The following MGAT4C variants were observed in gnomAD, a reference collection of about 807,000 sequenced individuals.
The protein encoded by MGAT4C is alpha-1,3-mannosyl-glycoprotein 4-beta-N-acetylglucosaminyltransferase C.
MGAT4C carries 19 observed loss-of-function variants against 40.1 expected under a neutral mutation model. The ratio of observed to expected loss-of-function variants is 0.47; its 90% CI spans 0.33 to 0.70. MGAT4C has a LOEUF of 0.70. Ranked by LOEUF, MGAT4C falls within the 30% of genes least tolerant of loss-of-function variation. MGAT4C has a pLI of 0.02. For synonymous variants in MGAT4C, 181 were observed against 187.1 expected (o/e 0.97, Z 0.27); for missense variants, 491 against 563.2 (o/e 0.87, Z 1.30).
intron 2 of MGAT4C, among the ~76,000 whole-genome samples, chr12:86,605,275 A>G (rs1962004138): frequency 6.6e-6 from 1 of 151,892 alleles, no homozygotes. Context: ...CTTGCCAGAT[A>G]TATATATATT....
chr12:86,624,350 G>A (rs1962733246), intron 2 of MGAT4C, among the ~76,000 whole-genome samples: 2 of 152,128 alleles, frequency 1.3e-5, no homozygotes, highest in South Asian at 4.1e-4. Context: ...GGTTGATCCT[G>A]AGGTTTTTCA....
chr12:86,609,733 T>G (rs956847945), intron 2 of MGAT4C, among the ~76,000 whole-genome samples: 2 of 123,486 alleles, frequency 1.6e-5, no homozygotes, highest in African/African-American at 3.9e-5. Context: ...AAAAGTAAGA[T>G]TTTTTTTTTT....
intron 2 of MGAT4C, among the ~76,000 whole-genome samples, chr12:86,480,449 T>C (rs1391624262): frequency 6.6e-6 from 1 of 151,254 alleles, no homozygotes; most frequent in East Asian, 1.9e-4. Context: ...TGTATACATA[T>C]ATAGATATGT....
At chr12:86,185,150 T>A (rs913489997) in intron 1 of MGAT4C, among the ~76,000 whole-genome samples, 1 of 152,136 alleles carries the variant, frequency 6.6e-6, no homozygotes, top group African/African-American at 2.4e-5. Context: ...TAAACAAAAT[T>A]TGTTATAATT....
intron 2 of MGAT4C, among the ~76,000 whole-genome samples, chr12:86,559,187 AAAGG>A (rs1959752925): frequency 6.6e-6 from 1 of 152,022 alleles, no homozygotes; most frequent in African/African-American, 2.4e-5. Context: ...TGTTAGATCT[AAAGG>A]GAGAGAGAGA....
chr12:85,964,963 T>C lies in MGAT4C; in HGVS notation c.*14326A>G, dbSNP rs1883280844. The C allele has an allele frequency of 1.3e-5, 2 of 152,270 alleles. No homozygotes were observed. The highest frequency in any genetic ancestry group is 4.8e-5 in the African/African-American group (2 of 41,566). The allele number at this position is 152,270 out of a possible 1,614,324, so 9.4% of individuals were successfully genotyped here. A position where few individuals can be genotyped will look rare whatever the true frequency, so the allele number is the denominator to read the frequency against. On this transcript the variant is annotated 3_prime_UTR_variant, in exon 5 of 5. Coordinates refer to ENST00000611864, the MANE Select transcript of MGAT4C (RefSeq NM_001351288.2). ...CAAATAAACTATTACTGACCTCCCTTGGATTATGATGAAAACCGTGGAGTC... is the reference window on the plus strand; with the variant it reads ...CAAATAAACTATTACTGACCTCCCTCGGATTATGATGAAAACCGTGGAGTC...
intron 2 of MGAT4C, among the ~76,000 whole-genome samples, chr12:86,009,630 A>G (rs1565852437): frequency 6.6e-6 from 1 of 152,058 alleles, no homozygotes; most frequent in Non-Finnish European, 1.5e-5. Context: ...TGCCTCTTTT[A>G]TAATGTCTAA....
At chr12:86,005,670 T>C (rs949945689) in intron 2 of MGAT4C, among the ~76,000 whole-genome samples, 1 of 152,186 alleles carries the variant, frequency 6.6e-6, no homozygotes, top group Non-Finnish European at 1.5e-5. Flanking sequence ...TGAAGTCTGA[T>C]GGCTAGTTCT....
At chr12:86,056,017 TA>T (rs1893352655) in intron 1 of MGAT4C, among the ~76,000 whole-genome samples, 1 of 152,126 alleles carries the variant, frequency 6.6e-6, no homozygotes, top group Non-Finnish European at 1.5e-5. Context: ...TGCTAGTTGT[TA>T]CTCTTCAATG....
intron 2 of MGAT4C, among the ~76,000 whole-genome samples, chr12:86,510,447 A>T (rs1336769369): frequency 1.3e-5 from 2 of 152,188 alleles, no homozygotes; most frequent in East Asian, 3.9e-4. Flanking sequence ...AGGCAAACTA[A>T]CCAGCTAACA....
At chr12:86,300,885 TAA>T (rs1275587968) in intron 4 of MGAT4C, among the ~76,000 whole-genome samples, 4 of 152,156 alleles carry the variant, frequency 2.6e-5, no homozygotes, top group Admixed American at 2.0e-4. Flanking sequence ...GGAGTATTTA[TAA>T]GTCATTTGTT....
chr12:86,124,814 A>C (rs2135693623), intron 1 of MGAT4C, among the ~76,000 whole-genome samples: 1 of 152,250 alleles, frequency 6.6e-6, no homozygotes, highest in East Asian at 1.9e-4. Context: ...TAATTTTACC[A>C]AGCATGGAGA....
At chr12:86,446,639 AAAAT>A (rs1307145757) in intron 2 of MGAT4C, among the ~76,000 whole-genome samples, 1 of 137,490 alleles carries the variant, frequency 7.3e-6, no homozygotes, top group East Asian at 2.1e-4. Flanking sequence ...ATCAGGACTT[AAAAT>A]TACATCATGT....
At chr12:86,245,401 C>T (rs1951982977) in intron 1 of MGAT4C, among the ~76,000 whole-genome samples, 1 of 152,328 alleles carries the variant, frequency 6.6e-6, no homozygotes, top group Middle Eastern at 3.4e-3. Flanking sequence ...TAGATTCCTC[C>T]TATCAGACAT....
chr12:86,716,756 G>T (rs1950651313), intron 2 of MGAT4C, among the ~76,000 whole-genome samples: 1 of 152,072 alleles, frequency 6.6e-6, no homozygotes, highest in Non-Finnish European at 1.5e-5. Context: ...TTATAATAGG[G>T]AGATGCCAGT....
Position 86,332,750 on chromosome 12 carries a change from G to A in MGAT4C, c.-57+1315C>T, listed in dbSNP as rs1469305399. 3.3e-5 allele frequency among the ~76,000 whole-genome samples: 5 copies of A among 152,114 alleles called. No homozygotes were observed. In the East Asian group the frequency reaches 9.7e-4, roughly 29 times the overall value. ...TATCCTTTTGTTTAAATAAATAAAG[G>A]AGCTATGAAAGTGCATCCATCAAGA... On this transcript the variant is annotated intron_variant, in intron 4 of 7. Transcript: ENST00000548651.
At chr12:86,738,614 A>G (rs530880428) in intron 1 of MGAT4C, among the ~76,000 whole-genome samples, 3 of 151,444 alleles carry the variant, frequency 2.0e-5, no homozygotes, top group Admixed American at 2.0e-4. Flanking sequence ...CATCCAACTC[A>G]TACGAGGAGT....
At chr12:86,124,421 C>T (rs1350339299) in intron 1 of MGAT4C, among the ~76,000 whole-genome samples, 1 of 152,088 alleles carries the variant, frequency 6.6e-6, no homozygotes, top group Non-Finnish European at 1.5e-5. Context: ...GTGAAAGATA[C>T]ATTTCGCATT....
At chr12:86,282,664 G>A (rs1355204796) in intron 4 of MGAT4C, among the ~76,000 whole-genome samples, 1 of 151,778 alleles carries the variant, frequency 6.6e-6, no homozygotes, top group African/African-American at 2.4e-5. Flanking sequence ...CTAATTAACT[G>A]TGCTCCTTTA....
Sources: allele counts gnomAD v4.1 joint callset (sites outside exome capture counted in the v4.1 genomes callset), GRCh38; gene constraint gnomAD v4.1.1; transcripts MANE v1.5; gene names NCBI Gene and HGNC (gene_info 2026-07-23, HGNC 2026-07-21).